ART3: variants seen among roughly 807,000 people sequenced by gnomAD.
The protein encoded by ART3 is ADP-ribosyltransferase 3 (inactive), also known as ecto-ADP-ribosyltransferase 3.
Under a neutral mutation model 48.5 loss-of-function variants are expected in ART3, and 49 were observed. The observed-to-expected ratio is 1.01, with a 90% CI of 0.80 to 1.28. The LOEUF is 1.28. ART3 is among the 50% of genes most tolerant of loss of function. The pLI, the probability that ART3 is intolerant of heterozygous loss-of-function variation, is 0.00. For synonymous variants in ART3, 145 were observed against 157.2 expected, an observed-to-expected ratio of 0.92 and a Z score of 0.58; for missense variants, 438 against 454.3, an observed-to-expected ratio of 0.96 and a Z score of 0.33.
rs553531220 is a variant in ART3 at position 76,024,167 on chromosome 4, G to A, written c.-10+12847G>A. 9.9e-5 allele frequency among the ~76,000 whole-genome samples: 15 copies of A among 152,168 alleles called. No homozygotes were observed. In the South Asian group the frequency reaches 2.7e-3, roughly 27 times the overall value. On this transcript the variant is annotated intron_variant, in intron 1 of 9. Transcript: ENST00000341029. Reference sequence around the variant, plus strand: ...TGTGGTGTGTTAAAACAAGTTTCACGTCTTATAGCAGTCCCTGAATGAAAA... The same window carrying A: ...TGTGGTGTGTTAAAACAAGTTTCACATCTTATAGCAGTCCCTGAATGAAAA...
chr4:76,026,250 T>TA (rs1733373917), intron 1 of ART3, among the ~76,000 whole-genome samples: 1 of 152,158 alleles, frequency 6.6e-6, no homozygotes, highest in Non-Finnish European at 1.5e-5. Context: ...GACATGACTT[T>TA]AATTCTCTAC....
chr4:76,072,746 C>G (rs1008426839), upstream of ART3, among the ~76,000 whole-genome samples: 1 of 151,756 alleles, frequency 6.6e-6, no homozygotes, highest in Non-Finnish European at 1.5e-5. Flanking sequence ...CCCACCACCC[C>G]CTTACATCTC....
intron 1 of ART3, among the ~76,000 whole-genome samples, chr4:76,040,688 T>A (rs1041288420): frequency 2.0e-5 from 3 of 152,180 alleles, no homozygotes; most frequent in East Asian, 1.9e-4. Context: ...GAGGGGGCTA[T>A]CCCTCCCCCA....
chr4:76,032,379 C>A (rs10014049), intron 1 of ART3, among the ~76,000 whole-genome samples: 92,774 of 151,660 alleles, frequency 0.61, 29,447 homozygotes, highest in East Asian at 0.94. Flanking sequence ...GCTAATTTTC[C>A]TATTTTTTAT....
intron 3 of ART3, among the ~76,000 whole-genome samples, chr4:76,096,570 T>C (rs1349202300): frequency 3.3e-5 from 5 of 152,244 alleles, no homozygotes; most frequent in Non-Finnish European, 5.9e-5. Flanking sequence ...ACCTTTGTTA[T>C]GCATTCTGGT....
rs76959037 is a variant in ART3 at position 76,069,097 on chromosome 4, G to A, written c.-9-6784G>A. On this transcript the variant is annotated intron_variant, in intron 1 of 9. Coordinates refer to the ART3 transcript ENST00000341029. ...ATAAAAAATTACATACTGACTGTAT[G>A]ATAATAGTTAACATGTCATGCTGGG... is the stretch of plus-strand genomic sequence containing the variant. Among the ~76,000 whole-genome samples, 883 of 152,158 alleles carry A rather than the reference G, an allele frequency of 5.8e-3. 20 individuals are homozygous for A. The highest frequency in any genetic ancestry group is 0.02 in the African/African-American group (840 of 41,438).
rs1735401916 is a variant in ART3, at chr4:76,045,369, AG to A, written c.-9-30510del. On this transcript the variant is annotated intron_variant, in intron 1 of 9. Coordinates refer to the ART3 transcript ENST00000341029. ...CAAGGAGTAGTGCCTGGCATCTAAG[AG>A]GCGGTTGTCTGATAGCCATAAACTT... 3.3e-5 allele frequency among the ~76,000 whole-genome samples: 5 copies of A among 152,130 alleles called. No individual in the cohort carries two copies. The South Asian group carries it at 1.0e-3, about 32-fold the overall frequency.
intron 1 of ART3, among the ~76,000 whole-genome samples, chr4:76,027,873 A>G (rs1002640548): frequency 1.3e-5 from 2 of 151,082 alleles, no homozygotes; most frequent in Non-Finnish European, 2.9e-5. Context: ...TTTCCTAATC[A>G]TCCAGGGTAA....
intron 1 of ART3, among the ~76,000 whole-genome samples, chr4:76,055,498 G>A (rs1050345494): frequency 3.3e-5 from 5 of 152,194 alleles, no homozygotes; most frequent in Non-Finnish European, 7.3e-5. Flanking sequence ...TAGTTAAGAA[G>A]CGGGGTCAGA....
intron 1 of ART3, chr4:76,022,815 C>T: frequency 6.2e-7 from 1 of 1,607,738 alleles, no homozygotes; most frequent in Non-Finnish European, 8.5e-7. Flanking sequence ...GAGAGAGGTA[C>T]TCCTGTAGGA....
At chr4:76,067,016 C>G (rs779384243) in intron 1 of ART3, among the ~76,000 whole-genome samples, 1 of 152,202 alleles carries the variant, frequency 6.6e-6, no homozygotes, top group African/African-American at 2.4e-5. Flanking sequence ...GAGGGCAGGG[C>G]TCCTGCCTGC....
At chr4:76,095,993 G>T (rs1008413388) in intron 3 of ART3, among the ~76,000 whole-genome samples, 1 of 151,948 alleles carries the variant, frequency 6.6e-6, no homozygotes, top group African/African-American at 2.4e-5. Flanking sequence ...CGCAATCTTG[G>T]CTCACTGCAA....
chr4:76,015,690 T>G (rs2149355894), intron 1 of ART3, among the ~76,000 whole-genome samples: 1 of 152,336 alleles, frequency 6.6e-6, no homozygotes, highest in African/African-American at 2.4e-5. Flanking sequence ...TTGAGTGCAG[T>G]GGCATGATTA....
At chr4:76,073,546 T>C (rs749524676), upstream of ART3, among the ~76,000 whole-genome samples, 32 of 152,308 alleles carry the variant, frequency 2.1e-4, no homozygotes, top group Non-Finnish European at 1.6e-4. Flanking sequence ...TAATTTAAAA[T>C]GTTTTCTTGA....
intron 9 of ART3, 54 bp from the exon 10 acceptor site, chr4:76,104,543 A>G: frequency 1.3e-6 from 2 of 1,551,044 alleles, no homozygotes; most frequent in South Asian, 2.4e-5. Flanking sequence ...AGAGTTTGAA[A>G]ATTATACTCA....
At chr4:76,015,505 G>A (rs1470771919) in intron 1 of ART3, among the ~76,000 whole-genome samples, 1 of 152,036 alleles carries the variant, frequency 6.6e-6, no homozygotes, top group Non-Finnish European at 1.5e-5. Context: ...AGAAATTGAG[G>A]AACAAAAAAA....
At chr4:76,068,324 T>C (rs1719946839) in intron 1 of ART3, among the ~76,000 whole-genome samples, 1 of 152,206 alleles carries the variant, frequency 6.6e-6, no homozygotes, top group Admixed American at 6.5e-5. Context: ...GTGGCATGTA[T>C]TAATAGTTTA....
chr4:76,102,472 T>C (rs1727547129), intron 8 of ART3, among the ~76,000 whole-genome samples: 1 of 152,120 alleles, frequency 6.6e-6, no homozygotes, highest in Non-Finnish European at 1.5e-5. Context: ...TAATTTTTAT[T>C]TGACAGTAGC....
intron 1 of ART3, chr4:76,041,314 G>A (rs1453550393): frequency 1.3e-5 from 2 of 152,154 alleles, no homozygotes; most frequent in Admixed American, 6.5e-5. Flanking sequence ...GAGCCTGAGA[G>A]ATCCCTATTT....
Sources: gnomAD v4.1 joint callset for allele counts (sites outside exome capture counted in the v4.1 genomes callset) on GRCh38, gnomAD v4.1.1 for gene constraint, MANE v1.5 for transcripts, NCBI Gene and HGNC (gene_info 2026-07-23, HGNC 2026-07-21) for gene names.